GRM8: variants seen among roughly 807,000 people sequenced by gnomAD.
GRM8 encodes the protein metabotropic glutamate receptor 8.
Under a neutral mutation model 87.2 loss-of-function variants are expected in GRM8, and 47 were observed. That is an observed-to-expected ratio of 0.54 (90% CI 0.43 to 0.69). The LOEUF (loss-of-function observed/expected upper bound fraction) is 0.69, where lower values mean the gene tolerates loss of function less well. Among genes scored for constraint, GRM8 ranks in the 30% least tolerant of loss-of-function variants. GRM8 has a pLI of 0.00. For synonymous variants in GRM8, 396 were observed against 404.5 expected (o/e 0.98, Z 0.25); for missense variants, 1,019 against 1,139.2 (o/e 0.89, Z 1.52).
chr7:126,520,348 T>C (rs542794902), intron 9 of GRM8, among the ~76,000 whole-genome samples: 24 of 152,148 alleles, frequency 1.6e-4, no homozygotes, highest in Non-Finnish European at 3.2e-4. Context: ...ATTTTAAACA[T>C]GATACATTTG....
chr7:126,817,297 A>T (rs1793885471), intron 6 of GRM8, among the ~76,000 whole-genome samples: 1 of 152,132 alleles, frequency 6.6e-6, no homozygotes. Flanking sequence ...CTTATATCTT[A>T]TAATTTCTTG....
chr7:127,082,773 T>C (rs2132805881), intron 3 of GRM8, among the ~76,000 whole-genome samples: 1 of 152,336 alleles, frequency 6.6e-6, no homozygotes, highest in East Asian at 1.9e-4. Context: ...TTACATGGGT[T>C]TTCTCTTTTA....
chr7:127,127,595 G>T (rs533527681), intron 2 of GRM8, among the ~76,000 whole-genome samples: 101 of 152,134 alleles, frequency 6.6e-4, no homozygotes, highest in African/African-American at 2.4e-3. Context: ...CTAACCTACA[G>T]TGAGAAAATA....
At chr7:126,831,692 A>T (rs536141495) in intron 6 of GRM8, among the ~76,000 whole-genome samples, 22 of 152,092 alleles carry the variant, frequency 1.4e-4, no homozygotes, top group African/African-American at 5.3e-4. Flanking sequence ...GCTGGTGCAC[A>T]GTGCGCTGCA....
chr7:126,677,862 AAACT>A (rs1807148982), intron 7 of GRM8, among the ~76,000 whole-genome samples: 1 of 152,336 alleles, frequency 6.6e-6, no homozygotes, highest in South Asian at 2.1e-4. Context: ...AAATTAAAAC[AAACT>A]AACTGTTCAC....
At chr7:126,548,318 A>T (rs1275942323) in intron 8 of GRM8, among the ~76,000 whole-genome samples, 1 of 63,560 alleles carries the variant, frequency 1.6e-5, no homozygotes, top group South Asian at 7.4e-4. Context: ...GTATAATAAT[A>T]AAAAAAAAAA....
chr7:126,526,959 G>T (rs1813942209), intron 9 of GRM8, among the ~76,000 whole-genome samples: 1 of 152,020 alleles, frequency 6.6e-6, no homozygotes. Flanking sequence ...TGGTATAATT[G>T]ATCTTGTCCA....
At chr7:126,783,281 T>C (rs1228344923) in intron 6 of GRM8, among the ~76,000 whole-genome samples, 1 of 152,186 alleles carries the variant, frequency 6.6e-6, no homozygotes, top group Non-Finnish European at 1.5e-5. Context: ...CTTAGGTTAA[T>C]ATCAATGTTG....
chr7:126,894,782 G>C (rs1161791337), intron 6 of GRM8, among the ~76,000 whole-genome samples: 1 of 152,018 alleles, frequency 6.6e-6, no homozygotes, highest in Non-Finnish European at 1.5e-5. Flanking sequence ...AAGGAAAGAA[G>C]CAAGTATCAA....
At chr7:126,910,428 G>A (rs1012066828) in intron 3 of GRM8, among the ~76,000 whole-genome samples, 3 of 152,112 alleles carry the variant, frequency 2.0e-5, no homozygotes, top group Admixed American at 6.5e-5. Flanking sequence ...ATAAATGCAA[G>A]ACTTGTGACA....
At chr7:126,879,910 T>C (rs1799876309) in intron 6 of GRM8, among the ~76,000 whole-genome samples, 1 of 152,170 alleles carries the variant, frequency 6.6e-6, no homozygotes, top group South Asian at 2.1e-4. Flanking sequence ...TTGCGTGCCC[T>C]TTCTCAGTCA....
intron 8 of GRM8, among the ~76,000 whole-genome samples, chr7:126,567,664 AAAAAT>A (rs1425134708): frequency 2.6e-5 from 4 of 152,170 alleles, no homozygotes; most frequent in Admixed American, 1.3e-4. Context: ...CTCTGGTGCA[AAAAAT>A]AAAATAAAAT....
intron 6 of GRM8, among the ~76,000 whole-genome samples, chr7:126,867,415 A>T (rs1338275549): frequency 6.6e-6 from 1 of 152,218 alleles, no homozygotes; most frequent in Non-Finnish European, 1.5e-5. Flanking sequence ...AAACCACTGT[A>T]GGTTTATTTG....
At chr7:127,187,179 T>C (rs1474506616) in intron 2 of GRM8, among the ~76,000 whole-genome samples, 4 of 152,180 alleles carry the variant, frequency 2.6e-5, no homozygotes, top group Non-Finnish European at 5.9e-5. Flanking sequence ...TGTTTATTAA[T>C]GAGCCCAGAA....
chr7:126,731,435 A>T (rs917731238), intron 7 of GRM8, among the ~76,000 whole-genome samples: 3 of 152,136 alleles, frequency 2.0e-5, no homozygotes, highest in African/African-American at 7.2e-5. Context: ...ATTTATCTTT[A>T]ATTTCTAAAT....
intron 3 of GRM8, among the ~76,000 whole-genome samples, chr7:127,013,542 G>C (rs931723741): frequency 9.4e-5 from 13 of 138,358 alleles, no homozygotes; most frequent in Non-Finnish European, 2.0e-4. Context: ...GGGGATGGGG[G>C]ATGGGGGCAG....
intron 3 of GRM8, among the ~76,000 whole-genome samples, chr7:126,926,799 C>T (rs1004478196): frequency 2.0e-5 from 3 of 152,168 alleles, no homozygotes; most frequent in Non-Finnish European, 2.9e-5. Flanking sequence ...GTCCACTCCT[C>T]CAGGAGACCT....
At chr7:127,015,119 A>AAGAAAG (rs1563413901) in intron 3 of GRM8, among the ~76,000 whole-genome samples, 1 of 141,898 alleles carries the variant, frequency 7.0e-6, no homozygotes, top group African/African-American at 2.6e-5. Flanking sequence ...GAAGAAGGAG[A>AAGAAAG]AGAAGGAGAA....
intron 7 of GRM8, among the ~76,000 whole-genome samples, chr7:126,647,807 G>A (rs1041089532): frequency 3.9e-5 from 6 of 152,118 alleles, no homozygotes; most frequent in South Asian, 2.1e-4. Flanking sequence ...CAAATGCACC[G>A]AAACATCTGC....
Sources: allele counts gnomAD v4.1 joint callset (sites outside exome capture counted in the v4.1 genomes callset), GRCh38; gene constraint gnomAD v4.1.1; transcripts MANE v1.5; gene names NCBI Gene and HGNC (gene_info 2026-07-23, HGNC 2026-07-21).